The following FNDC3B variants were observed in gnomAD, a reference collection of about 807,000 sequenced individuals.
FNDC3B encodes fibronectin type III domain-containing protein 3B.
A neutral mutation model predicts 151.5 loss-of-function variants in FNDC3B; 12 were observed. The observed-to-expected ratio is 0.08, with a 90% confidence interval of 0.05 to 0.13. FNDC3B has a LOEUF of 0.13. FNDC3B is among the 10% of genes least tolerant of loss of function. The pLI is 1.00. For missense variants in FNDC3B, 1,214 were observed against 1,505.3 expected (o/e 0.81, Z 3.20); for synonymous variants, 528 against 549.0 (o/e 0.96, Z 0.54).
chr3:172,247,057 T>C (rs1275929351), intron 4 of FNDC3B, among the ~76,000 whole-genome samples: 1 of 152,204 alleles, frequency 6.6e-6, no homozygotes, highest in Non-Finnish European at 1.5e-5. Context: ...GAACTGTGCA[T>C]GTTAAAGCAG....
At chr3:172,149,317 G>A (rs145533834) in intron 3 of FNDC3B, among the ~76,000 whole-genome samples, 1 of 152,070 alleles carries the variant, frequency 6.6e-6, no homozygotes, top group Non-Finnish European at 1.5e-5. Flanking sequence ...GACACCTAAC[G>A]GTTTGAAACC....
intron 25 of FNDC3B, among the ~76,000 whole-genome samples, chr3:172,385,105 A>G (rs919171691): frequency 1.3e-5 from 2 of 152,108 alleles, no homozygotes; most frequent in African/African-American, 4.8e-5. Flanking sequence ...GCTATTCAGC[A>G]AACATTAACT....
chr3:172,168,711 T>C (rs1191568855), intron 3 of FNDC3B, among the ~76,000 whole-genome samples: 1 of 138,688 alleles, frequency 7.2e-6, no homozygotes, highest in Non-Finnish European at 1.5e-5. Context: ...GTGTATCTTT[T>C]TCTTTTACTT....
chr3:172,309,805 AT>A (rs1301632013), intron 10 of FNDC3B, among the ~76,000 whole-genome samples: 3 of 152,192 alleles, frequency 2.0e-5, no homozygotes, highest in Non-Finnish European at 2.9e-5. Flanking sequence ...TCTCCCAATT[AT>A]TTATCATACC....
intron 3 of FNDC3B, among the ~76,000 whole-genome samples, chr3:172,135,934 T>C (rs1003366690): frequency 1.8e-4 from 27 of 152,192 alleles, no homozygotes; most frequent in African/African-American, 5.8e-4. Context: ...TGCTGTGTCA[T>C]CCTCACAGTC....
At chr3:172,102,319 C>A (rs1334172309) in intron 1 of FNDC3B, among the ~76,000 whole-genome samples, 2 of 152,206 alleles carry the variant, frequency 1.3e-5, no homozygotes. Flanking sequence ...TTTGCCCCAG[C>A]AGGCTGAAAT....
chr3:172,293,229 A>C (rs1353793459), intron 7 of FNDC3B, among the ~76,000 whole-genome samples: 1 of 152,134 alleles, frequency 6.6e-6, no homozygotes, highest in East Asian at 1.9e-4. Flanking sequence ...AAACCAAGGA[A>C]GTAGGAGAGT....
chr3:172,250,804 A>G (rs1414044604), intron 5 of FNDC3B, among the ~76,000 whole-genome samples: 1 of 152,122 alleles, frequency 6.6e-6, no homozygotes, highest in Non-Finnish European at 1.5e-5. Flanking sequence ...TATATCATGT[A>G]TATGGCATTT....
At chr3:172,061,322 TC>T (rs1717187695) in intron 1 of FNDC3B, among the ~76,000 whole-genome samples, 1 of 150,932 alleles carries the variant, frequency 6.6e-6, no homozygotes, top group Admixed American at 6.6e-5. Context: ...AAGCTCCGCC[TC>T]CCGGGTTCGC....
chr3:172,093,529 A>AT lies in FNDC3B; in HGVS notation c.-28-18921dup, dbSNP rs576375114. On this transcript the variant is annotated intron_variant, in intron 1 of 25. Transcript: ENST00000415807. ...CGCCTTGGCCTCCCAAAATGCTGGG[A>AT]TTACAGGCGTGAGTCACCGCGCCCG... Among the ~76,000 whole-genome samples, 149 of 152,258 alleles carry AT rather than the reference A, an allele frequency of 9.8e-4. 1 individual carries two copies. Among genetic ancestry groups the AT allele is most frequent in the Middle Eastern group, 3.4e-3 (1 of 294 alleles).
intron 10 of FNDC3B, among the ~76,000 whole-genome samples, chr3:172,310,122 C>T (rs941325275): frequency 3.3e-5 from 5 of 152,204 alleles, no homozygotes; most frequent in Admixed American, 6.5e-5. Flanking sequence ...GACCCCACTG[C>T]GGCATCACCT....
chr3:172,122,057 G>A (rs946216040), intron 2 of FNDC3B, among the ~76,000 whole-genome samples: 3 of 152,190 alleles, frequency 2.0e-5, no homozygotes, highest in Non-Finnish European at 4.4e-5. Context: ...AGACACTTCT[G>A]CATCCAGAAT....
chr3:172,142,085 C>T (rs888983494), intron 3 of FNDC3B, among the ~76,000 whole-genome samples: 1 of 152,172 alleles, frequency 6.6e-6, no homozygotes, highest in Admixed American at 6.5e-5. Flanking sequence ...TAATTTCTCT[C>T]TGGAAGGATT....
In FNDC3B at chr3:172,344,067, A is replaced by G. The variant is rs1349499967; in HGVS notation, c.2078-19A>G. On this transcript the variant is annotated intron_variant, in intron 18 of 25. Transcript: ENST00000415807. ...GAAGCACAAAGTGTTCTAAGATGAAAAAAATTCTTCATTCCCAGATGTTCC... is the reference window on the plus strand; with the variant it reads ...GAAGCACAAAGTGTTCTAAGATGAAGAAAATTCTTCATTCCCAGATGTTCC... The G allele has an allele frequency of 6.3e-7, 1 of 1,598,918 alleles. No individual in the cohort carries two copies. The highest frequency in any genetic ancestry group is 8.5e-7 in the Non-Finnish European group (1 of 1,171,376).
intron 3 of FNDC3B, among the ~76,000 whole-genome samples, chr3:172,189,460 G>A (rs1468412094): frequency 6.6e-6 from 1 of 152,152 alleles, no homozygotes; most frequent in Non-Finnish European, 1.5e-5. Context: ...TCTATTTTTG[G>A]AGTATGAAAG....
At chr3:172,304,452 A>T (rs1274698082) in intron 9 of FNDC3B, among the ~76,000 whole-genome samples, 1 of 152,232 alleles carries the variant, frequency 6.6e-6, no homozygotes, top group East Asian at 1.9e-4. Context: ...CTAAACAGCT[A>T]AACTGGGTTG....
Position 172,364,313 on chromosome 3 carries a change from T to A in FNDC3B, c.3008+1468T>A, listed in dbSNP as rs145849447. On this transcript the variant is annotated intron_variant, in intron 23 of 25. Coordinates refer to ENST00000415807, the MANE Select transcript of FNDC3B (RefSeq NM_022763.4). ...TAGCATTGGGGGAAATTTTTAAATG[T>A]CTTTTCATTTTTTCCCAGACCTGTG... Among the ~76,000 whole-genome samples, 8 of 152,348 alleles carry A rather than the reference T, an allele frequency of 5.3e-5. No homozygotes were observed. The East Asian group carries it at 1.2e-3, about 22-fold the overall frequency.
At chr3:172,344,398 A>G (rs893024050) in intron 19 of FNDC3B, 140 bp downstream of exon 19, 11 of 640,970 alleles carry the variant, frequency 1.7e-5, no homozygotes, top group Non-Finnish European at 1.0e-5. Flanking sequence ...GTGTCTGTAA[A>G]TCTTAATTCT....
chr3:172,390,736 A>T (rs1735969814), intron 25 of FNDC3B, among the ~76,000 whole-genome samples: 1 of 152,282 alleles, frequency 6.6e-6, no homozygotes, highest in African/African-American at 2.4e-5. Flanking sequence ...ATAGGTTATT[A>T]AGTGGTTTTC....
Sources: gnomAD v4.1 joint callset for allele counts (sites outside exome capture counted in the v4.1 genomes callset) on GRCh38, gnomAD v4.1.1 for gene constraint, MANE v1.5 for transcripts, NCBI Gene and HGNC (gene_info 2026-07-23, HGNC 2026-07-21) for gene names.